Variants in HS6ST3 observed in about 807,000 individuals in gnomAD.
HS6ST3 encodes the protein heparan sulfate 6-O-sulfotransferase 3.
In HS6ST3, 12 loss-of-function variants were observed where a neutral mutation model predicts 36.7. The ratio of observed to expected loss-of-function variants is 0.33; its 90% confidence interval spans 0.21 to 0.53. The LOEUF (loss-of-function observed/expected upper bound fraction) is 0.53, where lower values mean the gene tolerates loss of function less well. Among genes scored for constraint, HS6ST3 ranks in the 20% least tolerant of loss-of-function variants. The pLI is 0.95. For missense variants in HS6ST3, 584 were observed against 640.9 expected, an observed-to-expected ratio of 0.91 and a Z score of 0.96; for synonymous variants, 240 against 257.5, an observed-to-expected ratio of 0.93 and a Z score of 0.65.
At chr13:96,687,067 A>G (rs1271644375) in intron 1 of HS6ST3, among the ~76,000 whole-genome samples, 1 of 138,992 alleles carries the variant, frequency 7.2e-6, no homozygotes, top group Non-Finnish European at 1.5e-5. Context: ...AATACCAAAT[A>G]TATACTGAAA....
chr13:96,400,766 A>T (rs745628779), intron 1 of HS6ST3, among the ~76,000 whole-genome samples: 1 of 152,136 alleles, frequency 6.6e-6, no homozygotes, highest in Non-Finnish European at 1.5e-5. Context: ...AGTAAAATAC[A>T]TGGTGGTTTG....
intron 1 of HS6ST3, among the ~76,000 whole-genome samples, chr13:96,692,764 C>T (rs1875002221): frequency 6.6e-6 from 1 of 152,112 alleles, no homozygotes; most frequent in East Asian, 1.9e-4. Context: ...TTTGCATCCA[C>T]TTATTAATTT....
intron 1 of HS6ST3, among the ~76,000 whole-genome samples, chr13:96,543,584 AG>A (rs2056186445): frequency 6.6e-6 from 1 of 152,168 alleles, no homozygotes; most frequent in Admixed American, 6.5e-5. Context: ...AGCTATACAA[AG>A]GTTGAGCAGA....
chr13:96,095,863 G>GGTGTGTGTGTGT lies in HS6ST3; in HGVS notation c.707+4323_707+4334dup, dbSNP rs141939376. Among the ~76,000 whole-genome samples, 1,079 of 140,390 alleles carry GGTGTGTGTGTGT rather than the reference G, an allele frequency of 7.7e-3. 5 individuals carry two copies. The highest frequency in any genetic ancestry group is 0.011 in the African/African-American group (405 of 36,860). The allele number at this position is 140,390 out of a possible 152,430, so 92.1% of individuals were successfully genotyped here. Reference sequence around the variant, plus strand: ...GTATCACAGAACCATTTATATGACTGGTGTGTGTGTGTGTGTGTGTGTGTG... The same window carrying GGTGTGTGTGTGT: ...GTATCACAGAACCATTTATATGACTGGTGTGTGTGTGTGTGTGTGTGTGTGTGTGTGTGTGTG... On this transcript the variant is annotated intron_variant, in intron 1 of 1. Transcript: ENST00000376705.
At chr13:96,634,475 G>T (rs1360507737) in intron 1 of HS6ST3, among the ~76,000 whole-genome samples, 1 of 152,096 alleles carries the variant, frequency 6.6e-6, no homozygotes, top group Non-Finnish European at 1.5e-5. Flanking sequence ...ACATCCTAAG[G>T]CGACAGAGTC....
intron 1 of HS6ST3, among the ~76,000 whole-genome samples, chr13:96,153,997 C>T (rs960269337): frequency 1.7e-4 from 26 of 152,222 alleles, no homozygotes; most frequent in African/African-American, 6.0e-4. Context: ...TCCAGACCCA[C>T]GTTTTCTCAG....
chr13:96,542,794 A>T (rs2056183329), intron 1 of HS6ST3, among the ~76,000 whole-genome samples: 1 of 152,116 alleles, frequency 6.6e-6, no homozygotes, highest in Admixed American at 6.6e-5. Flanking sequence ...TTTCTCAGGG[A>T]CATAGTCTAG....
intron 1 of HS6ST3, among the ~76,000 whole-genome samples, chr13:96,213,498 C>A (rs1186178778): frequency 1.3e-5 from 2 of 151,808 alleles, no homozygotes; most frequent in Non-Finnish European, 2.9e-5. Flanking sequence ...TACCCTTTGG[C>A]CTATGGCCGA....
intron 1 of HS6ST3, among the ~76,000 whole-genome samples, chr13:96,174,519 G>A (rs1353986057): frequency 1.3e-5 from 2 of 152,066 alleles, no homozygotes; most frequent in African/African-American, 4.8e-5. Flanking sequence ...TCAGGTACAT[G>A]CCACCATGCC....
chr13:96,541,197 G>A (rs1225565676), intron 1 of HS6ST3, among the ~76,000 whole-genome samples: 1 of 151,928 alleles, frequency 6.6e-6, no homozygotes. Context: ...CACCCCACCT[G>A]GCTAATTTTT....
chr13:96,251,480 T>C (rs2054607698), intron 1 of HS6ST3, among the ~76,000 whole-genome samples: 1 of 152,138 alleles, frequency 6.6e-6, no homozygotes, highest in Admixed American at 6.5e-5. Context: ...ATCTCTTTTT[T>C]CCCTAGTCTA....
At chr13:96,771,559 C>T (rs1048604682) in intron 1 of HS6ST3, among the ~76,000 whole-genome samples, 1 of 152,100 alleles carries the variant, frequency 6.6e-6, no homozygotes, top group African/African-American at 2.4e-5. Context: ...GAGGAGAAAC[C>T]TAATGATTCC....
At chr13:96,574,742 G>A (rs1034402847) in intron 1 of HS6ST3, among the ~76,000 whole-genome samples, 10 of 152,094 alleles carry the variant, frequency 6.6e-5, no homozygotes, top group African/African-American at 2.4e-4. Context: ...TGGTGGACTG[G>A]GGCTCCTCCC....
intron 1 of HS6ST3, among the ~76,000 whole-genome samples, chr13:96,607,881 A>G (rs1046545598): frequency 6.6e-6 from 1 of 152,190 alleles, no homozygotes; most frequent in East Asian, 1.9e-4. Context: ...CCTCAAGAGA[A>G]ATTTTATTTT....
rs935077786 is a variant in HS6ST3, at chr13:96,106,637, A to G, written c.707+15068A>G. On this transcript the variant is annotated intron_variant, in intron 1 of 1. Transcript: ENST00000376705. Reference sequence around the variant, plus strand: ...ACAGAGCACAGGAAGTATCTCATCTATCTTCTTCCCTTTTTAACCAAAATG... The same window carrying G: ...ACAGAGCACAGGAAGTATCTCATCTGTCTTCTTCCCTTTTTAACCAAAATG... Among the ~76,000 whole-genome samples the G allele has an allele frequency of 7.9e-5, 12 of 152,358 alleles. No homozygotes were observed. The South Asian group carries it at 1.9e-3, about 24-fold the overall frequency.
intron 1 of HS6ST3, among the ~76,000 whole-genome samples, chr13:96,566,892 A>G (rs2056283312): frequency 6.6e-6 from 1 of 152,188 alleles, no homozygotes; most frequent in African/African-American, 2.4e-5. Flanking sequence ...AACAGAGGAA[A>G]TAACTTAAAT....
chr13:96,555,809 T>TA (rs10644683), intron 1 of HS6ST3, among the ~76,000 whole-genome samples: 2,156 of 147,126 alleles, frequency 0.015, 43 homozygotes, highest in African/African-American at 0.043. Context: ...AGATGGTTCT[T>TA]AAAAAAAAAA....
In HS6ST3 at chr13:96,573,422, C is replaced by T. The variant is rs548349215; in HGVS notation, c.708-259068C>T. 1.5e-4 allele frequency among the ~76,000 whole-genome samples: 23 copies of T among 152,124 alleles called. No homozygotes were observed. The South Asian group carries it at 2.3e-3, about 15-fold the overall frequency. On this transcript the variant is annotated intron_variant, in intron 1 of 1. Transcript: ENST00000376705. ...ATGCATGACTCCATGAAGCAGAAAG[C>T]GGAGGCAGAGCACGAGAGGTCCTGT...
intron 1 of HS6ST3, among the ~76,000 whole-genome samples, chr13:96,280,426 A>C (rs148992342): frequency 3.3e-4 from 50 of 152,266 alleles, no homozygotes; most frequent in African/African-American, 1.1e-3. Context: ...CAGGTATTAT[A>C]CTGTAAACCA....
Sources: gnomAD v4.1 joint callset for allele counts (sites outside exome capture counted in the v4.1 genomes callset) on GRCh38, gnomAD v4.1.1 for gene constraint, MANE v1.5 for transcripts, NCBI Gene and HGNC (gene_info 2026-07-23, HGNC 2026-07-21) for gene names.